SLC8A1: variants seen among roughly 807,000 people sequenced by gnomAD.
The protein encoded by SLC8A1 is solute carrier family 8 member A1, also known as sodium/calcium exchanger 1.
In SLC8A1, 18 loss-of-function variants were observed where a neutral mutation model predicts 68.3. The observed-to-expected ratio is 0.26, with a 90% confidence interval of 0.18 to 0.39. SLC8A1 has a LOEUF of 0.39. SLC8A1 is among the 10% of genes least tolerant of loss of function. The pLI is 1.00. For synonymous variants in SLC8A1, 475 were observed against 415.5 expected, an observed-to-expected ratio of 1.14 and a Z score of -1.74; for missense variants, 985 against 1,156.7, an observed-to-expected ratio of 0.85 and a Z score of 2.15.
At chr2:40,405,298 A>T (rs1331614669) in intron 2 of SLC8A1, among the ~76,000 whole-genome samples, 1 of 152,366 alleles carries the variant, frequency 6.6e-6, no homozygotes, top group East Asian at 1.9e-4. Context: ...ATACACCTAC[A>T]ATTGCTAAAG....
At chr2:40,426,162 A>G (rs1488969089) in intron 2 of SLC8A1, among the ~76,000 whole-genome samples, 1 of 152,042 alleles carries the variant, frequency 6.6e-6, no homozygotes, top group Non-Finnish European at 1.5e-5. Flanking sequence ...AGAAAAAAGA[A>G]AAATGTAGGG....
chr2:40,448,216 A>G (rs1701799178), intron 1 of SLC8A1, among the ~76,000 whole-genome samples: 1 of 152,120 alleles, frequency 6.6e-6, no homozygotes, highest in Non-Finnish European at 1.5e-5. Flanking sequence ...TGTAAAACGT[A>G]TTTTGTAATG....
At chr2:40,365,146 C>T (rs561970208) in intron 2 of SLC8A1, among the ~76,000 whole-genome samples, 1 of 151,558 alleles carries the variant, frequency 6.6e-6, no homozygotes, top group Non-Finnish European at 1.5e-5. Flanking sequence ...AATGCTTTAC[C>T]TTATTTGAAC....
At position 40,466,568 on chromosome 2, in the gene SLC8A1, C is replaced by T. The variant is rs115267683; in HGVS notation, c.-24-36264G>A. The stretch of plus-strand genomic sequence containing the variant: ...CCACAACTGCTCTGAGCCTTGCTTC[C>T]CTTGCAAACTGAGGGTGCTAATCTG... On this transcript the variant is annotated intron_variant, in intron 1 of 7. Coordinates refer to the SLC8A1 transcript ENST00000402441. 3.8e-3 allele frequency among the ~76,000 whole-genome samples: 572 copies of T among 152,212 alleles called. 2 individuals are homozygous for T. Among genetic ancestry groups the T allele is most frequent in the African/African-American group, 0.013 (532 of 41,520 alleles).
intron 2 of SLC8A1, among the ~76,000 whole-genome samples, chr2:40,284,757 G>A (rs1413021994): frequency 6.6e-6 from 1 of 151,496 alleles, no homozygotes; most frequent in East Asian, 1.9e-4. Context: ...CTTTTCCCAT[G>A]AAGTTTGTCT....
chr2:40,358,728 G>A (rs970608575), intron 2 of SLC8A1, among the ~76,000 whole-genome samples: 2 of 152,172 alleles, frequency 1.3e-5, no homozygotes, highest in South Asian at 4.1e-4. Context: ...AGGATTCTAA[G>A]TTTGAGAAGA....
intron 1 of SLC8A1, among the ~76,000 whole-genome samples, chr2:40,459,688 C>T (rs1268030147): frequency 6.6e-6 from 1 of 152,162 alleles, no homozygotes; most frequent in Non-Finnish European, 1.5e-5. Context: ...TATAAGTAAG[C>T]TCTGGTGGGT....
chr2:40,464,083 CG>C (rs1247708641), intron 1 of SLC8A1, among the ~76,000 whole-genome samples: 2 of 151,896 alleles, frequency 1.3e-5, no homozygotes, highest in African/African-American at 4.8e-5. Context: ...TTAGTAGAGA[CG>C]GGGTTTCACC....
chr2:40,304,499 G>C (rs2072190468), intron 2 of SLC8A1, among the ~76,000 whole-genome samples: 2 of 152,130 alleles, frequency 1.3e-5, no homozygotes, highest in African/African-American at 4.8e-5. Flanking sequence ...GGAATGAACA[G>C]CCTGTAGCCA....
In SLC8A1 at chr2:40,246,628, A is replaced by G. The variant is rs927162211; in HGVS notation, c.1809-68773T>C. On this transcript the variant is annotated intron_variant, in intron 2 of 7. Transcript: ENST00000406785. ...CAGCTGAATGCACTGTGTTTCCAAC[A>G]TTGCCCTCCAAACAGACCTTTCATA... Among the ~76,000 whole-genome samples the G allele has an allele frequency of 3.9e-5, 6 of 152,320 alleles. No individual in the cohort carries two copies. In the East Asian group the frequency reaches 9.6e-4, roughly 24 times the overall value.
At chr2:40,510,831 T>G (rs1006567518) in intron 1 of SLC8A1, among the ~76,000 whole-genome samples, 1 of 152,224 alleles carries the variant, frequency 6.6e-6, no homozygotes, top group African/African-American at 2.4e-5. Flanking sequence ...AATAATTTGA[T>G]GGAAACAATC....
intron 6 of SLC8A1, among the ~76,000 whole-genome samples, chr2:40,154,299 CTTTT>C (rs57350879): frequency 1.3e-5 from 1 of 74,936 alleles, no homozygotes. Flanking sequence ...TTTATTTATT[CTTTT>C]TTTTTTTTTT....
At chr2:40,271,690 T>C (rs1430073128) in intron 2 of SLC8A1, among the ~76,000 whole-genome samples, 2 of 152,132 alleles carry the variant, frequency 1.3e-5, no homozygotes, top group African/African-American at 4.8e-5. Context: ...CAAATAACTG[T>C]TGAATGAATA....
intron 1 of SLC8A1, among the ~76,000 whole-genome samples, chr2:40,481,578 T>A (rs1704630459): frequency 6.6e-6 from 1 of 152,210 alleles, no homozygotes; most frequent in Non-Finnish European, 1.5e-5. Flanking sequence ...AGAACCATAG[T>A]TCGATCTGGC....
intron 1 of SLC8A1, among the ~76,000 whole-genome samples, chr2:40,439,339 A>G (rs1252668002): frequency 6.6e-6 from 1 of 152,166 alleles, no homozygotes; most frequent in Non-Finnish European, 1.5e-5. Context: ...AACCCTAAGT[A>G]GAGGTAGAAA....
chr2:40,155,381 G>C (rs142646867), intron 6 of SLC8A1, among the ~76,000 whole-genome samples: 2,670 of 152,034 alleles, frequency 0.018, 98 homozygotes, highest in African/African-American at 0.061. Context: ...CACCTGCCTC[G>C]GCCTCCCAAA....
intron 2 of SLC8A1, among the ~76,000 whole-genome samples, chr2:40,384,914 T>A (rs993773199): frequency 6.6e-6 from 1 of 152,066 alleles, no homozygotes; most frequent in Non-Finnish European, 1.5e-5. Context: ...ATAGCACTTG[T>A]AATTTCACAA....
intron 7 of SLC8A1, among the ~76,000 whole-genome samples, chr2:40,129,721 A>G (rs2038934370): frequency 6.6e-6 from 1 of 152,192 alleles, no homozygotes. Flanking sequence ...CACATGCATA[A>G]CACCAACCCT....
At chr2:40,350,488 A>C (rs937149338) in intron 2 of SLC8A1, among the ~76,000 whole-genome samples, 9 of 150,036 alleles carry the variant, frequency 6.0e-5, no homozygotes, top group African/African-American at 2.2e-4. Context: ...CCCCCTAAAA[A>C]AATGTCATTT....
Sources: gnomAD v4.1 joint callset for allele counts (sites outside exome capture counted in the v4.1 genomes callset) on GRCh38, gnomAD v4.1.1 for gene constraint, MANE v1.5 for transcripts, NCBI Gene and HGNC (gene_info 2026-07-23, HGNC 2026-07-21) for gene names.